Variants in MYO9B observed in about 807,000 individuals in gnomAD.
The protein encoded by MYO9B is unconventional myosin-IXb.
Under a neutral mutation model 229.5 loss-of-function variants are expected in MYO9B, and 71 were observed. That is an observed-to-expected ratio of 0.31 (90% CI 0.26 to 0.38). MYO9B has a LOEUF of 0.38. MYO9B is among the 10% of genes least tolerant of loss of function. MYO9B has a pLI of 1.00. For synonymous variants in MYO9B, 1,185 were observed against 1,235.8 expected (o/e 0.96, Z 0.86); for missense variants, 2,255 against 2,920.5 (o/e 0.77, Z 5.25).
intron 1 of MYO9B, among the ~76,000 whole-genome samples, chr19:17,085,882 T>A (rs1179188260): frequency 6.6e-6 from 1 of 152,114 alleles, no homozygotes; most frequent in African/African-American, 2.4e-5. Context: ...GTTTTTCCTC[T>A]GCCCTTCCAG....
At chr19:17,198,535 G>A (rs757474150) in intron 24 of MYO9B, among the ~76,000 whole-genome samples, 2 of 152,128 alleles carry the variant, frequency 1.3e-5, no homozygotes, top group Non-Finnish European at 2.9e-5. Context: ...AGGAGTTGGA[G>A]ACCAACCAGG....
Position 17,102,280 on chromosome 19 carries a change from C to A in MYO9B, c.563C>A (p.Pro188His). 1 of 1,614,038 alleles carries A rather than the reference C, an allele frequency of 6.2e-7. No individual in the cohort carries two copies. The highest frequency in any genetic ancestry group is 8.5e-7 in the Non-Finnish European group (1 of 1,179,896). ...YAGSILVAIN[P>H]FKFLPIYNPK... The stretch of plus-strand genomic sequence containing the variant: ...GGGAGCATCCTGGTGGCCATCAACC[C>A]CTTTAAGTTCCTGCCCATCTACAAC... The change falls in exon 2 of 40, where the codon CCC becomes CAC. Residue 188 changes from proline (P) to histidine (H), a missense_variant. Around this residue, in one of 7 missense-constraint regions of MYO9B, gnomAD observed 386 missense variants for 515.2 expected, o/e 0.75. Transcript: ENST00000682292.
At chr19:17,126,488 T>A (rs2058020695) in intron 2 of MYO9B, among the ~76,000 whole-genome samples, 1 of 152,114 alleles carries the variant, frequency 6.6e-6, no homozygotes, top group Non-Finnish European at 1.5e-5. Flanking sequence ...TTCACACAGA[T>A]CCTAGGGGCC....
At chr19:17,132,964 C>T (rs527394256) in intron 2 of MYO9B, among the ~76,000 whole-genome samples, 1 of 152,106 alleles carries the variant, frequency 6.6e-6, no homozygotes, top group Admixed American at 6.5e-5. Context: ...TCCCCTGCCT[C>T]AACCTCCCGA....
intron 14 of MYO9B, among the ~76,000 whole-genome samples, chr19:17,179,814 G>A (rs985660545): frequency 6.6e-6 from 1 of 151,218 alleles, no homozygotes; most frequent in Non-Finnish European, 1.5e-5. Flanking sequence ...CAGGAGAATC[G>A]CTTGAACCTG....
At chr19:17,127,251 C>A (rs1436983325) in intron 2 of MYO9B, among the ~76,000 whole-genome samples, 1 of 139,216 alleles carries the variant, frequency 7.2e-6, no homozygotes, top group South Asian at 2.3e-4. Context: ...TGACCCACCC[C>A]CCTCGGCCTT....
intron 2 of MYO9B, among the ~76,000 whole-genome samples, chr19:17,125,568 A>G (rs1208138606): frequency 6.6e-6 from 1 of 151,948 alleles, no homozygotes; most frequent in African/African-American, 2.4e-5. Flanking sequence ...TTGCTGTGAG[A>G]CTTTAGCTCA....
At chr19:17,153,076 A>G (rs1031110313) in intron 4 of MYO9B, among the ~76,000 whole-genome samples, 1 of 152,220 alleles carries the variant, frequency 6.6e-6, no homozygotes, top group African/African-American at 2.4e-5. Context: ...CGGGAGGTTG[A>G]GGCTGCAGTG....
In MYO9B at chr19:17,195,176, G is replaced by T. The variant is rs1294368525; in HGVS notation, c.3749G>T (p.Arg1250Leu). The part of the protein sequence containing the change: ...SGSPRPGQLE[R>L]PTSLALDSRV... ...AGCCCCAGGCCTGGCCAGTTGGAGCGGCCGACCAGCCTGGCCCTGGACAGC... is the reference window on the plus strand; with the variant it reads ...AGCCCCAGGCCTGGCCAGTTGGAGCTGCCGACCAGCCTGGCCCTGGACAGC... The change falls in exon 22 of 40, where the codon CGG becomes CTG. Residue 1250 changes from arginine to leucine, a missense_variant. By Grantham distance (102) the Arg-to-Leu change is moderately radical. Coordinates refer to ENST00000682292, the MANE Select transcript of MYO9B (RefSeq NM_004145.4). The surrounding 1 kb of genome is among the most constrained non-coding windows in gnomAD (Gnocchi z 4.5). 1.2e-6 allele frequency: 2 copies of T among 1,611,162 alleles called. No individual in the cohort carries two copies. Among genetic ancestry groups the T allele is most frequent in the Admixed American group, 3.4e-5 (2 of 59,696 alleles).
At chr19:17,192,713 G>A (rs1181801416) in intron 20 of MYO9B, 33 bp from the exon 21 acceptor site, 1 of 1,488,660 alleles carries the variant, frequency 6.7e-7, no homozygotes. Context: ...CAGGGGCAGT[G>A]CAGCTGACCC....
At chr19:17,208,843 T>G (rs1184858405) in intron 35 of MYO9B, among the ~76,000 whole-genome samples, 1 of 152,028 alleles carries the variant, frequency 6.6e-6, no homozygotes, top group Non-Finnish European at 1.5e-5. Flanking sequence ...CCTGAGTCCC[T>G]CTGGTACTGA....
intron 7 of MYO9B, among the ~76,000 whole-genome samples, chr19:17,159,138 G>A (rs986008853): frequency 3.3e-5 from 5 of 151,790 alleles, no homozygotes; most frequent in African/African-American, 9.7e-5. Flanking sequence ...AGGTTGCAGT[G>A]AGCCAGGATT....
At chr19:17,146,107 G>A (rs1386601463) in intron 3 of MYO9B, among the ~76,000 whole-genome samples, 1 of 150,080 alleles carries the variant, frequency 6.7e-6, no homozygotes, top group African/African-American at 2.5e-5. Context: ...GAATTATTGG[G>A]TGAATGGATT....
chr19:17,202,295 C>A lies in MYO9B; in HGVS notation c.4828C>A (p.Pro1610Thr). ...TRGYTKNDFE[P>T]VKQSKAQKKK... is the part of the protein sequence containing the mutation. Reference sequence around the variant, plus strand: ...TGGCTACACCAAGAACGACTTCGAGCCAGTGAAGGTGGGCAGCCCAGCATG... The same window carrying A: ...TGGCTACACCAAGAACGACTTCGAGACAGTGAAGGTGGGCAGCCCAGCATG... The change falls in exon 28 of 40, where the codon CCA becomes ACA. Residue 1610 changes from proline (P) to threonine (T), a missense_variant. Transcript: ENST00000682292. 1 of 1,562,302 alleles carries A rather than the reference C, an allele frequency of 6.4e-7. No individual in the cohort carries two copies. Among genetic ancestry groups the A allele is most frequent in the Non-Finnish European group, 8.7e-7 (1 of 1,154,246 alleles).
intron 30 of MYO9B, among the ~76,000 whole-genome samples, chr19:17,203,721 A>C (rs2073132284): frequency 6.6e-6 from 1 of 151,880 alleles, no homozygotes; most frequent in Middle Eastern, 3.2e-3. Context: ...CCATCACCGG[A>C]GGAGCAGAGC....
At chr19:17,187,360 C>T (rs139600529) in intron 18 of MYO9B, among the ~76,000 whole-genome samples, 56 of 152,248 alleles carry the variant, frequency 3.7e-4, no homozygotes, top group African/African-American at 1.3e-3. Flanking sequence ...TCCTCTCCAC[C>T]GAATCCCCAG....
Position 17,212,284 on chromosome 19 carries a change from C to T in MYO9B, c.6448C>T (p.Pro2150Ser). The T allele has an allele frequency of 6.5e-7, 1 of 1,538,344 alleles. No homozygotes were observed. Among genetic ancestry groups the T allele is most frequent in the Non-Finnish European group, 8.7e-7 (1 of 1,150,264 alleles). ...GGATCCCCCAACGTACTGCCTGCCC[C>T]CCGCCTCGGGCCAGACCAATGGCTG... is the stretch of plus-strand genomic sequence containing the variant. Reference protein sequence around the residue: ...YSDPPTYCLPPASGQTNG With the variant: ...YSDPPTYCLPSASGQTNG The change falls in exon 40 of 40, where the codon CCC (proline) becomes TCC (serine). Residue 2150 changes from proline (P) to serine (S), a missense_variant. By Grantham distance (74) the Pro-to-Ser change is moderately conservative. Around this residue, in one of 7 missense-constraint regions of MYO9B, gnomAD observed 331 missense variants for 332.5 expected, o/e 1.00. Transcript: ENST00000682292. The surrounding 1 kb of genome is among the most constrained non-coding windows in gnomAD (Gnocchi z 5.4).
Position 17,168,070 on chromosome 19 carries a change from T to C in MYO9B, c.1793+6T>C, listed in dbSNP as rs757088313. ...CTGCTGGACGAGGAGAGCAAGTGAGTGTCCACACCCCGTCCATCCCGGCAC... is the reference window on the plus strand; with the variant it reads ...CTGCTGGACGAGGAGAGCAAGTGAGCGTCCACACCCCGTCCATCCCGGCAC... On this transcript the variant is annotated splice_donor_region_variant and intron_variant, in intron 11 of 39. Transcript: ENST00000682292. 6 of 1,611,944 alleles carry C rather than the reference T, an allele frequency of 3.7e-6. No individual in the cohort carries two copies. Among genetic ancestry groups the C allele is most frequent in the South Asian group, 1.1e-5 (1 of 90,634 alleles).
At chr19:17,162,943 C>T (rs12980061) in intron 9 of MYO9B, 45 bp from the exon 10 acceptor site, 504,834 of 1,584,002 alleles carry the variant, frequency 0.32, 81,611 homozygotes, top group East Asian at 0.33. Context: ...CTGGCTCCCT[C>T]GGGGTGCACC....
Sources: allele counts gnomAD v4.1 joint callset (sites outside exome capture counted in the v4.1 genomes callset), GRCh38; gene constraint gnomAD v4.1.1; regional missense constraint gnomAD v4.1.1; non-coding constraint Gnocchi (gnomAD v3.1); transcripts MANE v1.5; gene names NCBI Gene and HGNC (gene_info 2026-07-23, HGNC 2026-07-21).